The following PXDNL variants were observed in gnomAD, a reference collection of about 807,000 sequenced individuals.
The protein encoded by PXDNL is probable oxidoreductase PXDNL.
A neutral mutation model predicts 150.8 loss-of-function variants in PXDNL; 145 were observed. The ratio of observed to expected loss-of-function variants is 0.96; its 90% CI spans 0.84 to 1.10. The LOEUF (loss-of-function observed/expected upper bound fraction) is 1.10, where lower values mean the gene tolerates loss of function less well. Among genes scored for constraint, PXDNL ranks in the 50% least tolerant of loss-of-function variants. The pLI, the probability that PXDNL is intolerant of heterozygous loss-of-function variation, is 0.00. For missense variants in PXDNL, 2,087 were observed against 1,873.9 expected, an observed-to-expected ratio of 1.11 and a Z score of -2.10; for synonymous variants, 757 against 725.7, an observed-to-expected ratio of 1.04 and a Z score of -0.69.
At chr8:51,754,889 A>T (rs979393770) in intron 1 of PXDNL, among the ~76,000 whole-genome samples, 13 of 152,102 alleles carry the variant, frequency 8.5e-5, no homozygotes, top group African/African-American at 2.9e-4. Flanking sequence ...TTCAGCATTA[A>T]AAAAAAAATA....
intron 1 of PXDNL, among the ~76,000 whole-genome samples, chr8:51,668,595 C>A (rs1164890099): frequency 6.6e-6 from 1 of 152,140 alleles, no homozygotes; most frequent in Non-Finnish European, 1.5e-5. Context: ...CATGTCTGTA[C>A]AAATGTATAT....
intron 2 of PXDNL, among the ~76,000 whole-genome samples, chr8:51,646,056 G>T (rs1814912029): frequency 8.5e-6 from 1 of 118,074 alleles, no homozygotes. Flanking sequence ...GTTATGGGAT[G>T]AACTGTGTTC....
intron 4 of PXDNL, among the ~76,000 whole-genome samples, chr8:51,516,358 T>C (rs1811539230): frequency 6.6e-6 from 1 of 152,222 alleles, no homozygotes; most frequent in African/African-American, 2.4e-5. Context: ...TAATTTTCAC[T>C]TGGGCTGTAG....
At chr8:51,373,128 A>AAGG (rs1234342927) in intron 18 of PXDNL, among the ~76,000 whole-genome samples, 1 of 152,182 alleles carries the variant, frequency 6.6e-6, no homozygotes, top group Non-Finnish European at 1.5e-5. Context: ...CAGGGCCTTT[A>AAGG]CATAGGTATT....
At chr8:51,668,128 C>T (rs1815424390) in intron 1 of PXDNL, among the ~76,000 whole-genome samples, 1 of 146,798 alleles carries the variant, frequency 6.8e-6, no homozygotes, top group Admixed American at 6.9e-5. Context: ...GTTATTCTTC[C>T]TCTTCCACAA....
chr8:51,339,056 A>G (rs1358103411), intron 21 of PXDNL, among the ~76,000 whole-genome samples: 1 of 152,212 alleles, frequency 6.6e-6, no homozygotes, highest in Non-Finnish European at 1.5e-5. Context: ...GCCAGTGCCG[A>G]CCAAATTCAT....
intron 5 of PXDNL, among the ~76,000 whole-genome samples, chr8:51,484,034 A>G (rs910403301): frequency 1.3e-5 from 2 of 152,236 alleles, no homozygotes; most frequent in Non-Finnish European, 2.9e-5. Flanking sequence ...TAAATAGTCA[A>G]TGTATTCATT....
At chr8:51,678,230 T>G (rs1202253790) in intron 1 of PXDNL, among the ~76,000 whole-genome samples, 1 of 152,160 alleles carries the variant, frequency 6.6e-6, no homozygotes, top group Non-Finnish European at 1.5e-5. Context: ...GAAGGAGAAT[T>G]ACATTCTTGG....
chr8:51,562,997 A>G (rs1371811768), intron 3 of PXDNL, among the ~76,000 whole-genome samples: 1 of 151,942 alleles, frequency 6.6e-6, no homozygotes, highest in Non-Finnish European at 1.5e-5. Flanking sequence ...ACCCTGTGAC[A>G]AGAAAGAAAT....
chr8:51,479,730 G>C (rs991916975), intron 6 of PXDNL, among the ~76,000 whole-genome samples: 29 of 152,260 alleles, frequency 1.9e-4, no homozygotes, highest in African/African-American at 6.5e-4. Flanking sequence ...GGGTGGGGTG[G>C]GAGTGAGGGA....
intron 3 of PXDNL, among the ~76,000 whole-genome samples, chr8:51,578,009 GGAAGGAAGGA>G (rs1563471266): frequency 3.4e-4 from 29 of 86,014 alleles, no homozygotes; most frequent in African/African-American, 1.6e-3. Flanking sequence ...GAGGAAGGAA[GGAAGGAAGGA>G]AGGAAGGAAG....
chr8:51,425,741 G>A (rs1409196453), intron 13 of PXDNL, among the ~76,000 whole-genome samples: 2 of 151,650 alleles, frequency 1.3e-5, no homozygotes, highest in Non-Finnish European at 2.9e-5. Context: ...ACAATGGCGT[G>A]AACCCAGGAG....
chr8:51,451,948 G>A (rs1809817300), intron 10 of PXDNL, among the ~76,000 whole-genome samples: 1 of 152,294 alleles, frequency 6.6e-6, no homozygotes, highest in South Asian at 2.1e-4. Flanking sequence ...AGGACAAGCA[G>A]ATGGCCATTT....
chr8:51,528,666 C>A (rs1384477607), intron 4 of PXDNL, among the ~76,000 whole-genome samples: 1 of 152,114 alleles, frequency 6.6e-6, no homozygotes, highest in Non-Finnish European at 1.5e-5. Flanking sequence ...GAAAAGGGGG[C>A]AGAAGAGCCC....
At chr8:51,323,430 C>T (rs1805387018) in intron 21 of PXDNL, among the ~76,000 whole-genome samples, 1 of 152,048 alleles carries the variant, frequency 6.6e-6, no homozygotes. Flanking sequence ...CTGGTGTATG[C>T]CACCACGTCC....
chr8:51,482,202 G>A (rs541395541), intron 6 of PXDNL, among the ~76,000 whole-genome samples: 63 of 152,306 alleles, frequency 4.1e-4, no homozygotes, highest in African/African-American at 1.4e-3. Context: ...TGACCTGGTC[G>A]TGAGACATGG....
intron 17 of PXDNL, among the ~76,000 whole-genome samples, chr8:51,395,067 A>T (rs1387895682): frequency 6.6e-6 from 1 of 152,050 alleles, no homozygotes; most frequent in Non-Finnish European, 1.5e-5. Flanking sequence ...CTGAGTAACT[A>T]CCCAGAGGCA....
At chr8:51,482,521 A>T (rs1418423412) in intron 6 of PXDNL, among the ~76,000 whole-genome samples, 1 of 152,022 alleles carries the variant, frequency 6.6e-6, no homozygotes, top group Non-Finnish European at 1.5e-5. Context: ...AAATGTGAGG[A>T]TATGAGATTT....
At chr8:51,437,121 A>T (rs1030742829) in intron 12 of PXDNL, among the ~76,000 whole-genome samples, 2 of 152,208 alleles carry the variant, frequency 1.3e-5, no homozygotes, top group Non-Finnish European at 2.9e-5. Context: ...TATTCCTGGA[A>T]ATATACAACC....
Sources: allele counts gnomAD v4.1 joint callset (sites outside exome capture counted in the v4.1 genomes callset), GRCh38; gene constraint gnomAD v4.1.1; transcripts MANE v1.5; gene names NCBI Gene and HGNC (gene_info 2026-07-23, HGNC 2026-07-21).